The following PIP4K2A variants were observed in gnomAD, a reference collection of about 807,000 sequenced individuals.
PIP4K2A encodes the protein phosphatidylinositol 5-phosphate 4-kinase type-2 alpha.
PIP4K2A carries 14 observed loss-of-function variants against 42.9 expected under a neutral mutation model. That is an observed-to-expected ratio of 0.33 (90% CI 0.22 to 0.51). PIP4K2A has a LOEUF of 0.51. PIP4K2A is among the 20% of genes least tolerant of loss of function. The pLI is 0.97. For missense variants in PIP4K2A, 434 were observed against 519.8 expected, an observed-to-expected ratio of 0.83 and a Z score of 1.61; for synonymous variants, 192 against 192.2, an observed-to-expected ratio of 1.00 and a Z score of 0.01.
intron 1 of PIP4K2A, among the ~76,000 whole-genome samples, chr10:22,710,920 A>G (rs910745263): frequency 2.6e-5 from 4 of 152,248 alleles, no homozygotes; most frequent in African/African-American, 9.6e-5. Context: ...AAAATCTTTT[A>G]GAGTATCTAT....
Position 22,539,935 on chromosome 10 carries a change from G to A in PIP4K2A, c.1140+36C>T, listed in dbSNP as rs563996089. ...AGGGAGAGAGAGAGAGAGAGAGGGAGAGAAAGAGAGAAGGAAACAAAATGG... is the reference window on the plus strand; with the variant it reads ...AGGGAGAGAGAGAGAGAGAGAGGGAAAGAAAGAGAGAAGGAAACAAAATGG... On this transcript the variant is annotated intron_variant, in intron 9 of 9. Transcript: ENST00000376573. 46 of 1,109,798 alleles carry A rather than the reference G, an allele frequency of 4.1e-5. 1 individual carries two copies. The highest frequency in any genetic ancestry group is 2.6e-4 in the South Asian group (21 of 80,146). 68.7% of individuals were successfully genotyped at this position (1,109,798 alleles called of 1,614,324 possible). A position where few individuals can be genotyped will look rare whatever the true frequency, so the allele number is the denominator to read the frequency against.
chr10:22,658,941 G>A (rs1000381918), intron 1 of PIP4K2A, among the ~76,000 whole-genome samples: 8 of 152,286 alleles, frequency 5.3e-5, no homozygotes, highest in Non-Finnish European at 7.4e-5. Context: ...TCTGATAAGG[G>A]CTCCATAGGG....
chr10:22,571,185 A>T (rs1169902567), intron 5 of PIP4K2A, among the ~76,000 whole-genome samples: 2 of 152,196 alleles, frequency 1.3e-5, no homozygotes, highest in African/African-American at 4.8e-5. Context: ...ATGAAACAAC[A>T]CTTTTACTTG....
intron 1 of PIP4K2A, among the ~76,000 whole-genome samples, chr10:22,645,831 G>A (rs938924730): frequency 6.6e-5 from 10 of 151,932 alleles, no homozygotes; most frequent in Non-Finnish European, 1.2e-4. Context: ...CTCCTGAGTA[G>A]CTGGGACTAC....
At chr10:22,643,057 G>A (rs952544344) in intron 1 of PIP4K2A, among the ~76,000 whole-genome samples, 2 of 152,140 alleles carry the variant, frequency 1.3e-5, no homozygotes, top group African/African-American at 2.4e-5. Context: ...AGGAGGAGGA[G>A]TGGAAACACC....
chr10:22,649,746 A>C (rs1229612508), intron 1 of PIP4K2A, among the ~76,000 whole-genome samples: 1 of 152,246 alleles, frequency 6.6e-6, no homozygotes, highest in Non-Finnish European at 1.5e-5. Flanking sequence ...TTACTCAGTA[A>C]GAGGGATGGC....
intron 1 of PIP4K2A, among the ~76,000 whole-genome samples, chr10:22,662,937 C>T (rs1025349716): frequency 3.3e-5 from 5 of 152,242 alleles, no homozygotes; most frequent in South Asian, 2.1e-4. Context: ...GCAGCCCCCA[C>T]GCAGTTCTGC....
At chr10:22,572,129 A>C (rs2130794145) in intron 5 of PIP4K2A, among the ~76,000 whole-genome samples, 1 of 152,318 alleles carries the variant, frequency 6.6e-6, no homozygotes, top group African/African-American at 2.4e-5. Context: ...GAGACCAAAA[A>C]ACTTGAGAAC....
chr10:22,561,671 G>A (rs1319457537), intron 6 of PIP4K2A, among the ~76,000 whole-genome samples: 1 of 141,712 alleles, frequency 7.1e-6, no homozygotes, highest in Non-Finnish European at 1.5e-5. Context: ...GACATCCTGA[G>A]TTCAAGCAAT....
At chr10:22,540,168 G>A in intron 8 of PIP4K2A, 94 bp from the exon 9 acceptor site, 2 of 769,580 alleles carry the variant, frequency 2.6e-6, no homozygotes, top group South Asian at 2.8e-5. Flanking sequence ...AGTGAGCCTG[G>A]AGGGAGGGGA....
chr10:22,622,823 A>C (rs1006296832), intron 1 of PIP4K2A, among the ~76,000 whole-genome samples: 2 of 152,216 alleles, frequency 1.3e-5, no homozygotes, highest in African/African-American at 4.8e-5. Flanking sequence ...TGCAATACTA[A>C]ATCGCCAAAT....
At chr10:22,569,199 G>A (rs930528275) in intron 5 of PIP4K2A, 6 of 650,856 alleles carry the variant, frequency 9.2e-6, no homozygotes, top group South Asian at 3.6e-5. Context: ...AGACCAGGCT[G>A]GGGGGGTCTC....
chr10:22,601,177 T>C (rs762747512), intron 3 of PIP4K2A, among the ~76,000 whole-genome samples: 21 of 104,364 alleles, frequency 2.0e-4, no homozygotes, highest in Non-Finnish European at 3.7e-4. Context: ...ACCAGGAACA[T>C]GTCCCCAAGG....
At chr10:22,672,170 G>C (rs1839466069) in intron 1 of PIP4K2A, among the ~76,000 whole-genome samples, 1 of 151,902 alleles carries the variant, frequency 6.6e-6, no homozygotes, top group South Asian at 2.1e-4. Context: ...AAAAAAAGGA[G>C]GCCAGCTATC....
intron 1 of PIP4K2A, among the ~76,000 whole-genome samples, chr10:22,614,424 A>G (rs1424804641): frequency 6.6e-6 from 1 of 152,214 alleles, no homozygotes; most frequent in African/African-American, 2.4e-5. Flanking sequence ...TCTGACAGCT[A>G]CTTTATGGCT....
chr10:22,689,149 G>C (rs1454791017), intron 1 of PIP4K2A, among the ~76,000 whole-genome samples: 1 of 152,066 alleles, frequency 6.6e-6, no homozygotes, highest in Non-Finnish European at 1.5e-5. Flanking sequence ...TGGTCCCACT[G>C]TCCTTCCTCC....
At chr10:22,701,199 C>T (rs1213884929) in intron 1 of PIP4K2A, among the ~76,000 whole-genome samples, 1 of 152,128 alleles carries the variant, frequency 6.6e-6, no homozygotes, top group Non-Finnish European at 1.5e-5. Context: ...AGGGGTATCC[C>T]GCCAGAAGCT....
intron 1 of PIP4K2A, among the ~76,000 whole-genome samples, chr10:22,708,414 G>A (rs2130927579): frequency 6.6e-6 from 1 of 152,204 alleles, no homozygotes; most frequent in East Asian, 1.9e-4. Flanking sequence ...GGTCTCAATG[G>A]TCTATCCCAG....
intron 1 of PIP4K2A, among the ~76,000 whole-genome samples, chr10:22,611,816 G>A (rs1000781730): frequency 1.3e-5 from 2 of 152,222 alleles, no homozygotes; most frequent in African/African-American, 4.8e-5. Flanking sequence ...AACACAATGC[G>A]AATGAAGCTG....
Sources: gnomAD v4.1 joint callset for allele counts (sites outside exome capture counted in the v4.1 genomes callset) on GRCh38, gnomAD v4.1.1 for gene constraint, MANE v1.5 for transcripts, NCBI Gene and HGNC (gene_info 2026-07-23, HGNC 2026-07-21) for gene names.